GRXCR1: variants seen among roughly 807,000 people sequenced by gnomAD.
GRXCR1 encodes the protein glutaredoxin and cysteine rich domain containing 1.
A neutral mutation model predicts 27.3 loss-of-function variants in GRXCR1; 27 were observed. That is an observed-to-expected ratio of 0.99 (90% CI 0.73 to 1.37). The LOEUF (loss-of-function observed/expected upper bound fraction) is 1.37. Ranked by LOEUF, GRXCR1 falls within the 40% of genes most tolerant of loss-of-function variation. GRXCR1 has a pLI of 0.00. For missense variants in GRXCR1, 379 were observed against 354.4 expected (o/e 1.07, Z -0.56); for synonymous variants, 122 against 131.1 (o/e 0.93, Z 0.47).
Position 42,893,096 on chromosome 4 carries a change from A to C in GRXCR1, c.-171A>C, listed in dbSNP as rs1254050617. 2.0e-5 allele frequency among the ~76,000 whole-genome samples: 3 copies of C among 152,130 alleles called. No homozygotes were observed. The highest frequency in any genetic ancestry group is 4.4e-5 in the Non-Finnish European group (3 of 68,010). On this transcript the variant is annotated 5_prime_UTR_variant, in exon 1 of 4. Transcript: ENST00000399770. Reference sequence around the variant, plus strand: ...GCACACACACACACATTTATTATTAATAGCAGAGACACACTGTAAGTCCTT... The same window carrying C: ...GCACACACACACACATTTATTATTACTAGCAGAGACACACTGTAAGTCCTT...
At chr4:42,899,900 A>G (rs778387522) in intron 1 of GRXCR1, among the ~76,000 whole-genome samples, 6 of 152,166 alleles carry the variant, frequency 3.9e-5, no homozygotes, top group Non-Finnish European at 7.3e-5. Context: ...TGGCTTTAGA[A>G]CAACCTGCTG....
At position 42,929,816 on chromosome 4, in the gene GRXCR1, G is replaced by A. The variant is rs185445159; in HGVS notation, c.385-33076G>A. Among the ~76,000 whole-genome samples the A allele has an allele frequency of 3.8e-3, 582 of 151,866 alleles. 2 individuals are homozygous for A. Among genetic ancestry groups the A allele is most frequent in the Non-Finnish European group, 5.3e-3 (363 of 67,882 alleles). ...AGCAATAATAATAATTATAACACCT[G>A]CACCATAAAAATTGTTCCAAGCATT... On this transcript the variant is annotated intron_variant, in intron 1 of 3. Coordinates refer to ENST00000399770, the MANE Select transcript of GRXCR1 (RefSeq NM_001080476.3).
chr4:42,991,755 G>A (rs983870748), intron 2 of GRXCR1, among the ~76,000 whole-genome samples: 5 of 151,838 alleles, frequency 3.3e-5, no homozygotes, highest in African/African-American at 1.2e-4. Context: ...TATACTGTAT[G>A]TATATCTGTG....
chr4:42,917,261 G>A (rs1305023775), intron 1 of GRXCR1, among the ~76,000 whole-genome samples: 1 of 152,034 alleles, frequency 6.6e-6, no homozygotes, highest in Admixed American at 6.6e-5. Context: ...AGAAATATAT[G>A]GGAGAGAAAA....
intron 2 of GRXCR1, among the ~76,000 whole-genome samples, chr4:42,973,455 T>TG (rs1748434018): frequency 6.6e-6 from 1 of 152,048 alleles, no homozygotes; most frequent in Non-Finnish European, 1.5e-5. Flanking sequence ...CTTTTCATTT[T>TG]GGGGGTCCTT....
chr4:42,928,818 T>A (rs1387992676), intron 1 of GRXCR1, among the ~76,000 whole-genome samples: 2 of 151,922 alleles, frequency 1.3e-5, no homozygotes, highest in Non-Finnish European at 2.9e-5. Context: ...GACCCTTGGA[T>A]AATTAGAGCA....
intron 3 of GRXCR1, among the ~76,000 whole-genome samples, chr4:43,023,595 C>T (rs1304860810): frequency 6.6e-6 from 1 of 152,146 alleles, no homozygotes; most frequent in East Asian, 1.9e-4. Context: ...GTTGGTTGTA[C>T]CAATGGGGAC....
At chr4:42,935,458 G>C (rs2109759597) in intron 1 of GRXCR1, among the ~76,000 whole-genome samples, 2 of 151,966 alleles carry the variant, frequency 1.3e-5, no homozygotes, top group Middle Eastern at 6.8e-3. Context: ...GACAAATGAG[G>C]GAGGGTTTTG....
At chr4:42,987,241 A>ATATATATT (rs1276367661) in intron 2 of GRXCR1, among the ~76,000 whole-genome samples, 2 of 66,468 alleles carry the variant, frequency 3.0e-5, no homozygotes, top group South Asian at 9.2e-4. Context: ...ATATATATAT[A>ATATATATT]ATATATAATA....
chr4:42,930,768 A>C (rs148640694), intron 1 of GRXCR1, among the ~76,000 whole-genome samples: 1 of 152,140 alleles, frequency 6.6e-6, no homozygotes, highest in East Asian at 1.9e-4. Flanking sequence ...GTGATCAGAT[A>C]ATACATGTGT....
chr4:42,909,910 G>C lies in GRXCR1; in HGVS notation c.384+16260G>C, dbSNP rs556233969. Among the ~76,000 whole-genome samples the C allele has an allele frequency of 6.6e-5, 10 of 152,242 alleles. 1 individual carries two copies. In the South Asian group the frequency reaches 2.1e-3, roughly 32 times the overall value. ...GGGAGGGATGAAGGCATTTTCAAGA[G>C]GGAAGGAGGAAAAGCCAATACAGAT... On this transcript the variant is annotated intron_variant, in intron 1 of 3. Coordinates refer to ENST00000399770, the MANE Select transcript of GRXCR1 (RefSeq NM_001080476.3).
rs530966358 is a variant in GRXCR1 at position 42,970,126 on chromosome 4, G to A, written c.627+6992G>A. On this transcript the variant is annotated intron_variant, in intron 2 of 3. Coordinates refer to ENST00000399770, the MANE Select transcript of GRXCR1 (RefSeq NM_001080476.3). ...CATCCAGGGTATGCTAATGCAAGGG[G>A]TGGGCTCCCAATGCCTTGGGCAGTT... Among the ~76,000 whole-genome samples the A allele has an allele frequency of 1.2e-4, 19 of 152,264 alleles. No homozygotes were observed. The South Asian group carries it at 3.9e-3, about 32-fold the overall frequency.
chr4:43,015,978 C>A (rs1055792007), intron 2 of GRXCR1, among the ~76,000 whole-genome samples: 1 of 152,126 alleles, frequency 6.6e-6, no homozygotes, highest in South Asian at 2.1e-4. Flanking sequence ...TAGCTAAAAT[C>A]TGTGTGGCTT....
intron 1 of GRXCR1, among the ~76,000 whole-genome samples, chr4:42,941,853 AAAAC>A (rs757930843): frequency 3.9e-5 from 6 of 152,208 alleles, no homozygotes; most frequent in East Asian, 1.9e-4. Context: ...ATTGAAAATC[AAAAC>A]AAACAAACAG....
At chr4:43,025,944 C>A (rs1344391055) in intron 3 of GRXCR1, among the ~76,000 whole-genome samples, 1 of 148,654 alleles carries the variant, frequency 6.7e-6, no homozygotes, top group Non-Finnish European at 1.5e-5. Flanking sequence ...CCACTGCACT[C>A]CAGCCTGGGA....
chr4:43,030,537 T>G lies in GRXCR1; in HGVS notation c.870T>G (p.Gly290=). 2.5e-6 allele frequency: 4 copies of G among 1,613,774 alleles called. No individual in the cohort carries two copies. The highest frequency in any genetic ancestry group is 1.3e-5 in the African/African-American group (1 of 75,032). Residue 290 remains glycine (G), a synonymous_variant, in exon 4 of 4, where the codon GGT becomes GGG. Transcript: ENST00000399770. ...TTCAGCGTTGTAAGAACTGTGCTGG[T>G]TAATTGGAGCTTCTACCCAGGAAAA... ...NGLQRCKNCA[G]
At chr4:42,993,236 A>G (rs1016788370) in intron 2 of GRXCR1, among the ~76,000 whole-genome samples, 1 of 152,156 alleles carries the variant, frequency 6.6e-6, no homozygotes, top group African/African-American at 2.4e-5. Flanking sequence ...ATTCACATCT[A>G]TAACATCTGA....
chr4:42,946,104 G>A (rs1313834320), intron 1 of GRXCR1, among the ~76,000 whole-genome samples: 2 of 152,146 alleles, frequency 1.3e-5, no homozygotes. Flanking sequence ...AATTTAATCA[G>A]AGGCAAGAGC....
intron 1 of GRXCR1, among the ~76,000 whole-genome samples, chr4:42,894,314 T>C (rs1746300858): frequency 6.6e-6 from 1 of 152,148 alleles, no homozygotes; most frequent in African/African-American, 2.4e-5. Flanking sequence ...TTCTGCAGAG[T>C]AATATAGAAA....
Sources: gnomAD v4.1 joint callset for allele counts (sites outside exome capture counted in the v4.1 genomes callset) on GRCh38, gnomAD v4.1.1 for gene constraint, MANE v1.5 for transcripts, NCBI Gene and HGNC (gene_info 2026-07-23, HGNC 2026-07-21) for gene names.